FGD4: variants seen among roughly 807,000 people sequenced by gnomAD.
FGD4 encodes FYVE, RhoGEF and PH domain-containing protein 4.
FGD4 carries 42 observed loss-of-function variants against 102.0 expected under a neutral mutation model. The ratio of observed to expected loss-of-function variants is 0.41; its 90% CI spans 0.32 to 0.53. The LOEUF (loss-of-function observed/expected upper bound fraction) is 0.53. FGD4 is among the 20% of genes least tolerant of loss of function. FGD4 has a pLI of 0.21. For missense variants in FGD4, 902 were observed against 1,078.2 expected, an observed-to-expected ratio of 0.84 and a Z score of 2.29; for synonymous variants, 380 against 375.7, an observed-to-expected ratio of 1.01 and a Z score of -0.13.
chr12:32,616,245 A>G (rs1250448476), intron 10 of FGD4, among the ~76,000 whole-genome samples: 1 of 152,156 alleles, frequency 6.6e-6, no homozygotes, highest in Non-Finnish European at 1.5e-5. Context: ...TTGTTTTGGA[A>G]AGAGGTTTCT....
intron 1 of FGD4, among the ~76,000 whole-genome samples, chr12:32,435,686 A>G (rs950079): frequency 0.39 from 59,711 of 151,908 alleles, 12,310 homozygotes; most frequent in African/African-American, 0.5. Flanking sequence ...ATTGTACTAA[A>G]TACTGCAACC....
chr12:32,526,146 G>A (rs1189065390), intron 1 of FGD4, among the ~76,000 whole-genome samples: 5 of 152,258 alleles, frequency 3.3e-5, no homozygotes, highest in Non-Finnish European at 7.3e-5. Flanking sequence ...GAGTCTGGTG[G>A]GGACATGGAG....
At chr12:32,552,322 C>T (rs894760385) in intron 1 of FGD4, among the ~76,000 whole-genome samples, 1 of 152,084 alleles carries the variant, frequency 6.6e-6, no homozygotes, top group Non-Finnish European at 1.5e-5. Context: ...TGCAGTGGCT[C>T]AATCTCGGCT....
intron 4 of FGD4, among the ~76,000 whole-genome samples, chr12:32,597,682 T>A (rs549936203): frequency 6.6e-6 from 1 of 152,224 alleles, no homozygotes; most frequent in African/African-American, 2.4e-5. Context: ...ACTGGCAGAG[T>A]TATATAAGTA....
intron 1 of FGD4, among the ~76,000 whole-genome samples, chr12:32,415,757 G>C (rs528218270): frequency 2.6e-5 from 4 of 152,068 alleles, no homozygotes; most frequent in Non-Finnish European, 4.4e-5. Context: ...CTTTATATCT[G>C]GGTGTTACAT....
At chr12:32,627,295 T>C (rs12307670) in intron 14 of FGD4, among the ~76,000 whole-genome samples, 22,861 of 151,826 alleles carry the variant, frequency 0.15, 1,971 homozygotes, top group Middle Eastern at 0.26. Context: ...GCTGGGATTT[T>C]GGGCATGCAC....
rs1169433785 is a variant in FGD4 at position 32,562,968 on chromosome 12, T to C, written c.167-1169T>C. 2.1e-4 allele frequency among the ~76,000 whole-genome samples: 30 copies of C among 144,770 alleles called. No individual in the cohort carries two copies. In the South Asian group the frequency reaches 4.8e-3, roughly 23 times the overall value. 95.0% of individuals were successfully genotyped at this position (144,770 alleles called of 152,430 possible). A position where few individuals can be genotyped will look rare whatever the true frequency, so the allele number is the denominator to read the frequency against. Reference sequence around the variant, plus strand: ...GGGGTGGTGGCCGGGCAGAGGGGCTTCTCACATCCCAGTAGGGGCGGCCGG... The same window carrying C: ...GGGGTGGTGGCCGGGCAGAGGGGCTCCTCACATCCCAGTAGGGGCGGCCGG... On this transcript the variant is annotated intron_variant, in intron 1 of 16. Transcript: ENST00000534526.
intron 11 of FGD4, among the ~76,000 whole-genome samples, chr12:32,620,521 T>TTTCTTTCTTTC (rs1491118045): frequency 0.052 from 2,240 of 43,294 alleles, 133 homozygotes; most frequent in African/African-American, 0.21. Flanking sequence ...TTTTTCTTTC[T>TTTCTTTCTTTC]TTTTTTTTTT....
chr12:32,448,446 T>C (rs1171608069), intron 1 of FGD4, among the ~76,000 whole-genome samples: 3 of 151,670 alleles, frequency 2.0e-5, no homozygotes, highest in African/African-American at 7.3e-5. Context: ...TCACCTGAGG[T>C]CAGGAGTTCG....
intron 1 of FGD4, among the ~76,000 whole-genome samples, chr12:32,453,208 A>ATTT (rs1565748944): frequency 2.2e-5 from 1 of 45,562 alleles, no homozygotes; most frequent in African/African-American, 4.5e-5. Context: ...TATTATATAT[A>ATTT]TATATATATA....
chr12:32,412,259 G>T (rs953738086), intron 1 of FGD4, among the ~76,000 whole-genome samples: 1 of 152,160 alleles, frequency 6.6e-6, no homozygotes, highest in African/African-American at 2.4e-5. Flanking sequence ...ATCTGATTAG[G>T]TCTGGTTACA....
intron 14 of FGD4, among the ~76,000 whole-genome samples, chr12:32,629,244 G>C (rs1359043216): frequency 6.6e-6 from 1 of 152,166 alleles, no homozygotes; most frequent in Non-Finnish European, 1.5e-5. Flanking sequence ...GGAGTAAGTA[G>C]TCAGGAATGA....
intron 5 of FGD4, among the ~76,000 whole-genome samples, chr12:32,599,946 G>T (rs955832451): frequency 1.3e-5 from 2 of 152,146 alleles, no homozygotes; most frequent in Admixed American, 6.5e-5. Flanking sequence ...CCATGTTAGA[G>T]TGTTACTTAT....
At chr12:32,459,329 G>GTA (rs972277850) in intron 1 of FGD4, among the ~76,000 whole-genome samples, 1 of 151,806 alleles carries the variant, frequency 6.6e-6, no homozygotes, top group Non-Finnish European at 1.5e-5. Flanking sequence ...AACTAGCTGG[G>GTA]GTTACAGGTG....
intron 14 of FGD4, among the ~76,000 whole-genome samples, chr12:32,633,103 T>A (rs924409580): frequency 6.7e-6 from 1 of 150,218 alleles, no homozygotes; most frequent in Non-Finnish European, 1.5e-5. Flanking sequence ...TGGAAAATCT[T>A]TGGGTAAGAT....
At chr12:32,576,144 G>A (rs913642509) in intron 2 of FGD4, 122 bp from the exon 3 acceptor site, 2 of 975,636 alleles carry the variant, frequency 2.0e-6, no homozygotes, top group Non-Finnish European at 3.0e-6. Flanking sequence ...TTCAAAATTT[G>A]ACACCTGCCC....
chr12:32,633,988 T>C (rs775149488), intron 15 of FGD4, among the ~76,000 whole-genome samples: 4 of 152,334 alleles, frequency 2.6e-5, no homozygotes, highest in South Asian at 2.1e-4. Flanking sequence ...CCAGCCTAGA[T>C]TTTTACAGAA....
At chr12:32,539,951 TATC>T (rs1374802026) in intron 1 of FGD4, among the ~76,000 whole-genome samples, 2 of 152,230 alleles carry the variant, frequency 1.3e-5, no homozygotes, top group Non-Finnish European at 1.5e-5. Context: ...TTATTAGAAA[TATC>T]ATGTTTTTCT....
At chr12:32,439,791 A>G (rs910880511) in intron 1 of FGD4, among the ~76,000 whole-genome samples, 1 of 152,082 alleles carries the variant, frequency 6.6e-6, no homozygotes, top group African/African-American at 2.4e-5. Flanking sequence ...CTCCTCTTTA[A>G]GGCCAATAAC....
Sources: allele counts gnomAD v4.1 joint callset (sites outside exome capture counted in the v4.1 genomes callset), GRCh38; gene constraint gnomAD v4.1.1; transcripts MANE v1.5; gene names NCBI Gene and HGNC (gene_info 2026-07-23, HGNC 2026-07-21).